KCNIP4: variants seen among roughly 807,000 people sequenced by gnomAD.
The protein encoded by KCNIP4 is potassium voltage-gated channel interacting protein 4, also known as Kv channel-interacting protein 4.
Under a neutral mutation model 34.0 loss-of-function variants are expected in KCNIP4, and 12 were observed. The observed-to-expected ratio is 0.35, with a 90% CI of 0.23 to 0.57. KCNIP4 has a LOEUF of 0.57. Ranked by LOEUF, KCNIP4 falls within the 20% of genes least tolerant of loss-of-function variation. The pLI, the probability that KCNIP4 is intolerant of heterozygous loss-of-function variation, is 0.83. For synonymous variants in KCNIP4, 124 were observed against 102.2 expected, an observed-to-expected ratio of 1.21 and a Z score of -1.29; for missense variants, 238 against 311.7, an observed-to-expected ratio of 0.76 and a Z score of 1.78.
At chr4:20,735,685 C>T (rs1258706290) in intron 5 of KCNIP4, among the ~76,000 whole-genome samples, 14 of 151,838 alleles carry the variant, frequency 9.2e-5, no homozygotes, top group Non-Finnish European at 1.9e-4. Flanking sequence ...TACAGGCACC[C>T]GCCACCATGC....
chr4:21,307,273 T>G (rs1712590861), intron 1 of KCNIP4, among the ~76,000 whole-genome samples: 1 of 152,164 alleles, frequency 6.6e-6, no homozygotes, highest in African/African-American at 2.4e-5. Context: ...TGTCATTAGC[T>G]CCAGCCTTTG....
At chr4:21,629,089 G>A (rs1273329483) in intron 1 of KCNIP4, among the ~76,000 whole-genome samples, 1 of 152,180 alleles carries the variant, frequency 6.6e-6, no homozygotes, top group African/African-American at 2.4e-5. Flanking sequence ...CAAGCCACGA[G>A]AGGTAGGCTG....
intron 1 of KCNIP4, among the ~76,000 whole-genome samples, chr4:21,761,754 G>A (rs1718071668): frequency 6.6e-6 from 1 of 151,850 alleles, no homozygotes; most frequent in Admixed American, 6.6e-5. Flanking sequence ...TATAGAGGAA[G>A]AGAGGGGAAA....
At chr4:21,505,171 A>G (rs1359038558) in intron 1 of KCNIP4, among the ~76,000 whole-genome samples, 3 of 152,172 alleles carry the variant, frequency 2.0e-5, no homozygotes, top group African/African-American at 4.8e-5. Context: ...AGCATCTTAA[A>G]GTTTAGAGAG....
intron 1 of KCNIP4, among the ~76,000 whole-genome samples, chr4:21,913,931 G>A (rs2108986423): frequency 6.6e-6 from 1 of 152,148 alleles, no homozygotes. Flanking sequence ...GGGGAGATAG[G>A]TGGAGGGATG....
At chr4:21,154,735 T>C (rs1438226984) in intron 1 of KCNIP4, among the ~76,000 whole-genome samples, 1 of 152,210 alleles carries the variant, frequency 6.6e-6, no homozygotes, top group Non-Finnish European at 1.5e-5. Flanking sequence ...AGAAGTGATG[T>C]GTGGGACTTT....
intron 1 of KCNIP4, among the ~76,000 whole-genome samples, chr4:21,857,861 C>T (rs1724852266): frequency 2.0e-5 from 3 of 152,154 alleles, no homozygotes; most frequent in Admixed American, 2.0e-4. Context: ...TTCAGGGAGC[C>T]CAGACTTAGC....
chr4:21,096,495 T>C (rs1236746388), intron 1 of KCNIP4, among the ~76,000 whole-genome samples: 1 of 152,174 alleles, frequency 6.6e-6, no homozygotes, highest in Admixed American at 6.6e-5. Context: ...TCAGTTTTTT[T>C]ATTCTGTTTG....
intron 1 of KCNIP4, among the ~76,000 whole-genome samples, chr4:21,876,743 G>A (rs574719659): frequency 6.6e-6 from 1 of 152,228 alleles, no homozygotes; most frequent in South Asian, 2.1e-4. Flanking sequence ...AATTTCTAAT[G>A]TATATTTCAT....
intron 1 of KCNIP4, among the ~76,000 whole-genome samples, chr4:21,943,639 C>T (rs1305961573): frequency 6.6e-6 from 1 of 152,096 alleles, no homozygotes; most frequent in Non-Finnish European, 1.5e-5. Context: ...TCATGATTTT[C>T]GTAGGAGCCT....
chr4:21,255,895 T>TGAGCAA (rs1327452677), intron 1 of KCNIP4, among the ~76,000 whole-genome samples: 1 of 152,166 alleles, frequency 6.6e-6, no homozygotes, highest in Non-Finnish European at 1.5e-5. Flanking sequence ...CAATTAATTT[T>TGAGCAA]GATCAAGTGC....
chr4:21,260,895 C>T (rs1761426057), intron 1 of KCNIP4, among the ~76,000 whole-genome samples: 1 of 152,246 alleles, frequency 6.6e-6, no homozygotes, highest in South Asian at 2.1e-4. Flanking sequence ...TCACTACAGC[C>T]AAGGATACAC....
chr4:21,134,881 A>C (rs7672342), intron 1 of KCNIP4, among the ~76,000 whole-genome samples: 80,369 of 152,112 alleles, frequency 0.53, 21,834 homozygotes, highest in African/African-American at 0.64. Context: ...CACAGCTAGG[A>C]AATGAGGGCA....
intron 1 of KCNIP4, among the ~76,000 whole-genome samples, chr4:21,209,246 T>C (rs1757061898): frequency 6.6e-6 from 1 of 152,212 alleles, no homozygotes; most frequent in Non-Finnish European, 1.5e-5. Context: ...AAAACATTTA[T>C]CATTCTTTTG....
chr4:21,621,173 C>T (rs1376460903), intron 1 of KCNIP4, among the ~76,000 whole-genome samples: 2 of 152,046 alleles, frequency 1.3e-5, no homozygotes, highest in Non-Finnish European at 2.9e-5. Context: ...ACCAAAACTA[C>T]TCAAATTTAA....
At chr4:21,173,009 T>C (rs199982880) in intron 1 of KCNIP4, among the ~76,000 whole-genome samples, 12 of 152,262 alleles carry the variant, frequency 7.9e-5, no homozygotes, top group South Asian at 6.2e-4. Context: ...ACGCTGAACA[T>C]TGAAATCACT....
intron 1 of KCNIP4, among the ~76,000 whole-genome samples, chr4:21,231,337 A>G (rs1481253880): frequency 6.6e-6 from 1 of 152,216 alleles, no homozygotes; most frequent in African/African-American, 2.4e-5. Context: ...TAAAACTTTT[A>G]CATTCTTTGT....
chr4:21,267,298 A>G (rs925548632), intron 1 of KCNIP4, among the ~76,000 whole-genome samples: 2 of 152,088 alleles, frequency 1.3e-5, no homozygotes, highest in African/African-American at 4.8e-5. Context: ...CTCTCATGAC[A>G]ATAATACCAT....
chr4:21,638,384 C>T (rs1259352715), intron 1 of KCNIP4, among the ~76,000 whole-genome samples: 4 of 152,150 alleles, frequency 2.6e-5, no homozygotes, highest in Non-Finnish European at 4.4e-5. Context: ...TCTGGCTGCA[C>T]TTGGTGCAAG....
Sources: allele counts gnomAD v4.1 joint callset (sites outside exome capture counted in the v4.1 genomes callset), GRCh38; gene constraint gnomAD v4.1.1; transcripts MANE v1.5; gene names NCBI Gene and HGNC (gene_info 2026-07-23, HGNC 2026-07-21).